The following TRIM37 variants were observed in gnomAD, a reference collection of about 807,000 sequenced individuals.
TRIM37 encodes E3 ubiquitin-protein ligase TRIM37.
In TRIM37, 80 loss-of-function variants were observed where a neutral mutation model predicts 129.8. The observed-to-expected ratio is 0.62, with a 90% confidence interval of 0.51 to 0.74. The LOEUF (loss-of-function observed/expected upper bound fraction) is 0.74. Ranked by LOEUF, TRIM37 falls within the 30% of genes least tolerant of loss-of-function variation. The pLI is 0.00. For synonymous variants in TRIM37, 389 were observed against 387.1 expected, an observed-to-expected ratio of 1.00 and a Z score of -0.06; for missense variants, 1,054 against 1,176.5, an observed-to-expected ratio of 0.90 and a Z score of 1.52.
intron 19 of TRIM37, among the ~76,000 whole-genome samples, chr17:59,027,088 T>C (rs2037328973): frequency 6.6e-6 from 1 of 152,184 alleles, no homozygotes; most frequent in African/African-American, 2.4e-5. Flanking sequence ...AAAATACTAT[T>C]GACTCCCAAC....
Position 59,104,354 on chromosome 17 carries a change from T to G in TRIM37, c.62A>C (p.Lys21Thr), listed in dbSNP as rs757493902. Residue 21 changes from lysine to threonine, a missense_variant, in exon 2 of 24, where the codon AAA becomes ACA. Lys to Thr is a moderately conservative substitution (Grantham distance 78, BLOSUM62 -1). Around this residue, in one of 3 missense-constraint regions of TRIM37, gnomAD observed 752 missense variants for 870.8 expected, o/e 0.86. Transcript: ENST00000262294. The part of the protein sequence containing the change: ...EVFRCFICME[K>T]LRDARLCPHC... The stretch of plus-strand genomic sequence containing the variant: ...AGGACACAGGCGTGCATCCCGCAAT[T>G]TCTCCATACAAATGAAACATCGGAA... 6.2e-7 allele frequency: 1 copy of G among 1,614,068 alleles called. No individual in the cohort carries two copies. Among genetic ancestry groups the G allele is most frequent in the African/African-American group, 1.3e-5 (1 of 74,916 alleles).
chr17:58,967,803 C>CTTTTTTTTTTTT, the TRIM37 span, among the ~76,000 whole-genome samples: 2 of 138,054 alleles, frequency 1.4e-5, 1 homozygote. Flanking sequence ...TTCTTTATTT[C>CTTTTTTTTTTTT]TTTTTTTTTT....
chr17:59,064,009 T>A (rs1287145679), intron 10 of TRIM37: 2 of 200,192 alleles, frequency 1.0e-5, no homozygotes, highest in Admixed American at 5.5e-5. Flanking sequence ...ACGCTTGTAG[T>A]CCCAGTTACT....
chr17:59,061,449 A>T (rs1000503942), intron 11 of TRIM37, among the ~76,000 whole-genome samples: 2 of 152,072 alleles, frequency 1.3e-5, no homozygotes, highest in African/African-American at 4.8e-5. Context: ...AGCAAAAAAA[A>T]ATTTTAAACC....
At chr17:59,074,745 G>C (rs1343728013) in intron 8 of TRIM37, among the ~76,000 whole-genome samples, 1 of 152,154 alleles carries the variant, frequency 6.6e-6, no homozygotes, top group African/African-American at 2.4e-5. Context: ...AAGGCATAGA[G>C]AGAAATTACA....
chr17:59,039,759 G>T (rs1054281022), intron 17 of TRIM37, among the ~76,000 whole-genome samples: 2 of 152,128 alleles, frequency 1.3e-5, no homozygotes, highest in Non-Finnish European at 2.9e-5. Context: ...CAGAAATAAG[G>T]CTAAGGAAAC....
chr17:58,999,727 CCTGGGGACAAT>C (rs1010820868), intron 23 of TRIM37, among the ~76,000 whole-genome samples: 1 of 152,182 alleles, frequency 6.6e-6, no homozygotes, highest in African/African-American at 2.4e-5. Flanking sequence ...ATTTTGTCCT[CCTGGGGACAAT>C]CTGGGGACAG....
In TRIM37 at chr17:59,075,706, T is replaced by C. The variant is rs2042759001; in HGVS notation, c.625A>G (p.Thr209Ala). The change falls in exon 8 of 24, where the codon ACA becomes GCA. Residue 209 changes from threonine to alanine, a missense_variant. Transcript: ENST00000262294. ...AGCTCTGTTTCTTGGGTTAGAGATG[T>C]CTTCTGACCTGATGAAAAATAGTGA... Reference protein sequence around the residue: ...NKLITLMGQKTSLTQETELLE... With the variant: ...NKLITLMGQKASLTQETELLE... 1.2e-6 allele frequency: 2 copies of C among 1,609,750 alleles called. No individual in the cohort carries two copies. Among genetic ancestry groups the C allele is most frequent in the South Asian group, 1.1e-5 (1 of 90,924 alleles).
chr17:59,081,776 G>A (rs1039337015), intron 5 of TRIM37, among the ~76,000 whole-genome samples: 2 of 151,362 alleles, frequency 1.3e-5, no homozygotes, highest in Non-Finnish European at 2.9e-5. Flanking sequence ...GCATGTTGGC[G>A]CACACCTGTA....
At position 59,079,826 on chromosome 17, in the gene TRIM37, T is replaced by G; in HGVS notation, c.544A>C (p.Ile182Leu). The G allele has an allele frequency of 1.2e-6, 2 of 1,614,088 alleles. No individual in the cohort carries two copies. The highest frequency in any genetic ancestry group is 2.2e-5 in the South Asian group (2 of 91,082). The change falls in exon 7 of 24, where the codon ATT (isoleucine) becomes CTT (leucine). Residue 182 changes from isoleucine to leucine, a missense_variant. Physicochemically the swap from Ile to Leu is conservative, Grantham distance 5. Around this residue, in one of 3 missense-constraint regions of TRIM37, gnomAD observed 752 missense variants for 870.8 expected, o/e 0.86. Transcript: ENST00000262294. ...ATCATCATCTCCACTGCATTCCTAA[T>G]TTCCCGAACACGCTCATCTTTTGCA... is the stretch of plus-strand genomic sequence containing the variant. ...RNAKDERVREIRNAVEMMIAR... is the reference protein window; with the variant it reads ...RNAKDERVRELRNAVEMMIAR...
At chr17:59,042,237 G>A (rs1388403853) in intron 16 of TRIM37, among the ~76,000 whole-genome samples, 2 of 150,684 alleles carry the variant, frequency 1.3e-5, no homozygotes, top group Non-Finnish European at 1.5e-5. Context: ...TTAGCTGGGT[G>A]TGGTGGCAGG....
intron 22 of TRIM37, among the ~76,000 whole-genome samples, chr17:59,005,902 C>T (rs1052706107): frequency 1.3e-4 from 20 of 152,176 alleles, no homozygotes; most frequent in African/African-American, 4.8e-4. Context: ...ATAATGAGGA[C>T]TGATTTGTAA....
intron 19 of TRIM37, among the ~76,000 whole-genome samples, chr17:59,024,684 G>C (rs560401791): frequency 6.6e-6 from 1 of 152,264 alleles, no homozygotes. Flanking sequence ...ATACCACCAT[G>C]ACTGGCTTAT....
intron 16 of TRIM37, among the ~76,000 whole-genome samples, chr17:59,042,446 AAAAATAT>A (rs1320676325): frequency 2.9e-4 from 13 of 44,740 alleles, no homozygotes; most frequent in East Asian, 1.4e-3. Context: ...AAAAAAAAAA[AAAAATAT>A]ATATATATAT....
chr17:58,987,992 G>T (rs1341855530), intron 24 of TRIM37, among the ~76,000 whole-genome samples: 1 of 152,168 alleles, frequency 6.6e-6, no homozygotes, highest in African/African-American at 2.4e-5. Context: ...CTATAAATTA[G>T]GACATTTTTT....
At chr17:59,025,038 C>G (rs917408091) in intron 19 of TRIM37, among the ~76,000 whole-genome samples, 1 of 152,156 alleles carries the variant, frequency 6.6e-6, no homozygotes, top group Non-Finnish European at 1.5e-5. Context: ...TACCAAATTG[C>G]GTTTTTGTAT....
chr17:59,074,808 ATTTT>A (rs1340967492), intron 8 of TRIM37, among the ~76,000 whole-genome samples: 4 of 152,234 alleles, frequency 2.6e-5, no homozygotes, highest in African/African-American at 9.6e-5. Flanking sequence ...AACACTACAT[ATTTT>A]ATTTACTCAT....
intron 16 of TRIM37, among the ~76,000 whole-genome samples, chr17:59,046,695 C>T (rs1457846384): frequency 1.3e-5 from 2 of 151,702 alleles, no homozygotes; most frequent in Non-Finnish European, 2.9e-5. Context: ...TGCCACCACA[C>T]CTGGCTAATT....
chr17:58,979,903 T>C (rs1439714666), downstream of TRIM37: 19 of 1,204,018 alleles, frequency 1.6e-5, no homozygotes, highest in Non-Finnish European at 1.9e-5. Flanking sequence ...GTCATGGCAT[T>C]GGTCATAAAC....
Sources: gnomAD v4.1 joint callset for allele counts (sites outside exome capture counted in the v4.1 genomes callset) on GRCh38, gnomAD v4.1.1 for gene constraint, gnomAD v4.1.1 regional missense constraint, MANE v1.5 for transcripts, NCBI Gene and HGNC (gene_info 2026-07-23, HGNC 2026-07-21) for gene names.